Variants in ERC2 observed in about 807,000 individuals in gnomAD.
ERC2 encodes the protein ERC protein 2.
ERC2 carries 42 observed loss-of-function variants against 114.8 expected under a neutral mutation model. The observed-to-expected ratio is 0.37, with a 90% CI of 0.29 to 0.47. The LOEUF is 0.47. Ranked by LOEUF, ERC2 falls within the 20% of genes least tolerant of loss-of-function variation. The pLI is 0.99. For missense variants in ERC2, 939 were observed against 1,150.7 expected (o/e 0.82, Z 2.66); for synonymous variants, 454 against 425.5 (o/e 1.07, Z -0.82).
intron 3 of ERC2, among the ~76,000 whole-genome samples, chr3:56,275,495 C>T (rs769992595): frequency 1.3e-5 from 2 of 152,236 alleles, no homozygotes; most frequent in Non-Finnish European, 2.9e-5. Flanking sequence ...AGTTAAACAA[C>T]TTGCCAGAGG....
chr3:56,383,024 GT>G (rs901479216), intron 2 of ERC2, among the ~76,000 whole-genome samples: 9 of 151,628 alleles, frequency 5.9e-5, no homozygotes, highest in African/African-American at 1.2e-4. Context: ...TCTTAATTAT[GT>G]TTTTTTTCCC....
Position 56,434,992 on chromosome 3 carries a change from T to C in ERC2, c.16A>G (p.Arg6Gly), listed in dbSNP as rs2061954837. 1.2e-6 allele frequency: 2 copies of C among 1,609,662 alleles called. No individual in the cohort carries two copies. The highest frequency in any genetic ancestry group is 1.7e-6 in the Non-Finnish European group (2 of 1,179,322). Reference sequence around the variant, plus strand: ...CTACCTTCCAGATTGGTGATTGTTCTTGCACTTCCATACATTTTTCTTGTA... The same window carrying C: ...CTACCTTCCAGATTGGTGATTGTTCCTGCACTTCCATACATTTTTCTTGTA... MYGSARTITNLEGSPS... is the reference protein window; with the variant it reads MYGSAGTITNLEGSPS... The change falls in exon 2 of 18, where the codon AGA becomes GGA. Residue 6 changes from arginine (R) to glycine (G), a missense_variant. Arg to Gly is a moderately radical substitution (Grantham distance 125). Coordinates refer to ENST00000288221, the MANE Select transcript of ERC2 (RefSeq NM_015576.3).
chr3:55,653,480 A>T lies in ERC2; in HGVS notation c.*39+30314T>A, dbSNP rs868145712. Among the ~76,000 whole-genome samples the T allele has an allele frequency of 1.0e-3, 155 of 152,284 alleles. 1 individual carries two copies. The highest frequency in any genetic ancestry group is 3.6e-3 in the African/African-American group (149 of 41,566). On this transcript the variant is annotated intron_variant, in intron 17 of 17. Transcript: ENST00000288221. ...CACAAAGCAATGACAGATTATACCG[A>T]TGTGGAAAGAAGTCCACAATACACA... is the stretch of plus-strand genomic sequence containing the variant.
intron 6 of ERC2, among the ~76,000 whole-genome samples, chr3:56,129,804 G>A (rs1000262055): frequency 6.6e-6 from 1 of 152,070 alleles, no homozygotes; most frequent in Non-Finnish European, 1.5e-5. Flanking sequence ...GCTCTGACTC[G>A]ATACCTCTAC....
At chr3:56,439,093 G>T (rs1262635708) in intron 1 of ERC2, among the ~76,000 whole-genome samples, 2 of 152,188 alleles carry the variant, frequency 1.3e-5, no homozygotes, top group African/African-American at 4.8e-5. Context: ...TTCTGGAACA[G>T]TTAGCATAAT....
chr3:56,316,615 TAC>T (rs149865319), intron 2 of ERC2, among the ~76,000 whole-genome samples: 31 of 151,770 alleles, frequency 2.0e-4, no homozygotes, highest in African/African-American at 4.6e-4. Flanking sequence ...CACAAACAGA[TAC>T]ACACACACAC....
intron 14 of ERC2, among the ~76,000 whole-genome samples, chr3:55,838,428 G>T (rs954413780): frequency 3.3e-5 from 5 of 151,974 alleles, no homozygotes; most frequent in African/African-American, 1.2e-4. Context: ...CCAAATATTT[G>T]AAAATTAAAT....
At chr3:55,877,762 CTCAG>C (rs2062930905) in intron 14 of ERC2, among the ~76,000 whole-genome samples, 1 of 152,088 alleles carries the variant, frequency 6.6e-6, no homozygotes, top group Non-Finnish European at 1.5e-5. Context: ...ATCCACTGGC[CTCAG>C]CCTCCCAAAG....
chr3:56,449,533 T>A (rs2062736883), intron 1 of ERC2, among the ~76,000 whole-genome samples: 1 of 152,172 alleles, frequency 6.6e-6, no homozygotes, highest in South Asian at 2.1e-4. Context: ...ATCACTTCCA[T>A]GGCAGTTATA....
At chr3:56,315,103 A>C (rs2056801664) in intron 2 of ERC2, among the ~76,000 whole-genome samples, 1 of 152,212 alleles carries the variant, frequency 6.6e-6, no homozygotes, top group African/African-American at 2.4e-5. Context: ...CAGCGGCTCC[A>C]AGCCTTTAGG....
chr3:55,518,109 C>A (rs2052659472), intron 17 of ERC2, among the ~76,000 whole-genome samples: 1 of 152,050 alleles, frequency 6.6e-6, no homozygotes, highest in African/African-American at 2.4e-5. Context: ...GCCCCTCTCC[C>A]AGTCATGCAA....
In ERC2 at chr3:55,822,568, C is replaced by CTT. The variant is rs202173599; in HGVS notation, c.2564+65819_2564+65820dup. 1.4e-3 allele frequency among the ~76,000 whole-genome samples: 192 copies of CTT among 137,046 alleles called. 1 individual carries two copies. Among genetic ancestry groups the CTT allele is most frequent in the South Asian group, 5.6e-3 (24 of 4,268 alleles). 89.9% of individuals were successfully genotyped at this position (137,046 alleles called of 152,430 possible). On this transcript the variant is annotated intron_variant, in intron 14 of 17. Transcript: ENST00000288221. ...ACAAGAATTTTTTTTTCTTTTTTTT[C>CTT]TTTTTTTTTTTTTTGAGACGGAGTC...
intron 17 of ERC2, among the ~76,000 whole-genome samples, chr3:55,610,064 CAAAAAA>C (rs36088271): frequency 5.9e-5 from 7 of 118,778 alleles, no homozygotes; most frequent in East Asian, 2.7e-4. Context: ...CAAACACAAA[CAAAAAA>C]AAAAAAAAAA....
At chr3:56,118,926 G>A (rs1288875253) in intron 6 of ERC2, among the ~76,000 whole-genome samples, 3 of 152,162 alleles carry the variant, frequency 2.0e-5, no homozygotes, top group Non-Finnish European at 2.9e-5. Flanking sequence ...TCGAGCCACT[G>A]TGCCCGGCCA....
Position 56,434,384 on chromosome 3 carries a change from C to G in ERC2, c.624G>C (p.Lys208Asn), listed in dbSNP as rs2061927102. Residue 208 changes from lysine to asparagine, a missense_variant, in exon 2 of 18, where the codon AAG becomes AAC. Physicochemically the swap from Lys to Asn is moderately conservative, Grantham distance 94. Coordinates refer to ENST00000288221, the MANE Select transcript of ERC2 (RefSeq NM_015576.3). ...CTTCATGGGAAACCCTCATCTGCTC[C>G]TTGAGGACAGACATCCGCGCTGCCT... Reference protein sequence around the residue: ...KEEAARMSVLKEQMRVSHEEN... With the variant: ...KEEAARMSVLNEQMRVSHEEN... 2.5e-6 allele frequency: 4 copies of G among 1,613,788 alleles called. No homozygotes were observed. The highest frequency in any genetic ancestry group is 3.4e-6 in the Non-Finnish European group (4 of 1,179,898).
At chr3:56,246,311 A>G (rs1358877037) in intron 3 of ERC2, among the ~76,000 whole-genome samples, 6 of 152,074 alleles carry the variant, frequency 3.9e-5, no homozygotes, top group Admixed American at 2.0e-4. Context: ...GATGTTTAGC[A>G]GCATCCCTGG....
At chr3:56,251,493 A>C (rs79384106) in intron 3 of ERC2, among the ~76,000 whole-genome samples, 1,795 of 152,296 alleles carry the variant, frequency 0.012, 29 homozygotes, top group African/African-American at 0.041. Flanking sequence ...AAAATGTCCA[A>C]AGAGAAACCT....
At chr3:56,117,998 C>A (rs2079344589) in intron 6 of ERC2, among the ~76,000 whole-genome samples, 1 of 152,200 alleles carries the variant, frequency 6.6e-6, no homozygotes, top group Non-Finnish European at 1.5e-5. Flanking sequence ...AATGGGCCAG[C>A]CTGGCCACAG....
At chr3:56,437,061 A>C (rs1409518112) in intron 1 of ERC2, among the ~76,000 whole-genome samples, 2 of 152,210 alleles carry the variant, frequency 1.3e-5, no homozygotes, top group Non-Finnish European at 2.9e-5. Context: ...GTGTTTTCCC[A>C]ATGTGATGCT....
Sources: gnomAD v4.1 joint callset for allele counts (sites outside exome capture counted in the v4.1 genomes callset) on GRCh38, gnomAD v4.1.1 for gene constraint, MANE v1.5 for transcripts, NCBI Gene and HGNC (gene_info 2026-07-23, HGNC 2026-07-21) for gene names.